ACSL6: variants seen among roughly 807,000 people sequenced by gnomAD.
ACSL6 encodes long-chain-fatty-acid--CoA ligase 6.
Under a neutral mutation model 98.2 loss-of-function variants are expected in ACSL6, and 47 were observed. The observed-to-expected ratio is 0.48, with a 90% CI of 0.38 to 0.61. The LOEUF is 0.61. ACSL6 is among the 20% of genes least tolerant of loss of function. The pLI, the probability that ACSL6 is intolerant of heterozygous loss-of-function variation, is 0.00. For synonymous variants in ACSL6, 362 were observed against 336.9 expected, an observed-to-expected ratio of 1.07 and a Z score of -0.82; for missense variants, 761 against 913.4, an observed-to-expected ratio of 0.83 and a Z score of 2.15.
At position 131,988,518 on chromosome 5, in the gene ACSL6, A is replaced by G. The variant is rs1231313427; in HGVS notation, c.652+287T>C. 3 of 1,609,222 alleles carry G rather than the reference A, an allele frequency of 1.9e-6. No individual in the cohort carries two copies. The South Asian group carries it at 3.3e-5, about 18-fold the overall frequency. Reference sequence around the variant, plus strand: ...GTTTGAGATATTTACCACCCCCTGCATCTGTGCCAAGCTGTCATGAACTTC... The same window carrying G: ...GTTTGAGATATTTACCACCCCCTGCGTCTGTGCCAAGCTGTCATGAACTTC... On this transcript the variant is annotated intron_variant, in intron 6 of 20. Coordinates refer to ENST00000651883, the MANE Select transcript of ACSL6 (RefSeq NM_001009185.3).
At chr5:131,970,336 C>T (rs1753236937) in intron 14 of ACSL6, 136 bp from the exon 15 acceptor site, 2 of 705,644 alleles carry the variant, frequency 2.8e-6, no homozygotes, top group Admixed American at 4.6e-5. Flanking sequence ...GAGGGAGGTG[C>T]TCTGGAGGTA....
intron 3 of ACSL6, 109 bp from the exon 4 acceptor site, chr5:131,990,273 T>C (rs1326134747): frequency 2.7e-6 from 3 of 1,099,250 alleles, no homozygotes; most frequent in Non-Finnish European, 4.0e-6. Flanking sequence ...AGTGTGTCCA[T>C]GGGCCAAGTG....
intron 9 of ACSL6, among the ~76,000 whole-genome samples, chr5:131,979,429 G>A (rs1001395040): frequency 1.3e-5 from 2 of 151,976 alleles, no homozygotes; most frequent in Non-Finnish European, 2.9e-5. Flanking sequence ...TGTCTTCATT[G>A]ATAAAAAAAA....
chr5:131,990,212 T>C (rs373801588), intron 3 of ACSL6, 48 bp from the exon 4 acceptor site: 8 of 1,590,576 alleles, frequency 5.0e-6, no homozygotes, highest in Non-Finnish European at 6.9e-6. Flanking sequence ...TCAGAGTGGG[T>C]GTGCCACCTG....
Position 131,962,683 on chromosome 5 carries a change from A to G in ACSL6, c.1714-5T>C. 1 of 1,613,898 alleles carries G rather than the reference A, an allele frequency of 6.2e-7. No homozygotes were observed. Among genetic ancestry groups the G allele is most frequent in the Non-Finnish European group, 8.5e-7 (1 of 1,179,876 alleles). On this transcript the variant is annotated splice_polypyrimidine_tract_variant and splice_region_variant and intron_variant, in intron 17 of 20. Transcript: ENST00000651883. ...AATAATTTTAAGAGTTCCTGCCTGT[A>G]GAGTTGGACAAACAGCTTTATAAGA...
At chr5:131,994,312 T>C in intron 1 of ACSL6, 61 bp from the exon 2 acceptor site, 1 of 1,421,520 alleles carries the variant, frequency 7.0e-7, no homozygotes, top group Non-Finnish European at 9.7e-7. Context: ...GGAGGGGTCC[T>C]GGGTCACAGG....
intron 20 of ACSL6, among the ~76,000 whole-genome samples, chr5:131,958,198 C>CG (rs1163896959): frequency 6.6e-6 from 1 of 152,130 alleles, no homozygotes; most frequent in African/African-American, 2.4e-5. Flanking sequence ...GGACAGGTCC[C>CG]GCATCCAAAC....
intron 1 of ACSL6, among the ~76,000 whole-genome samples, chr5:132,009,220 A>G (rs761842717): frequency 6.6e-6 from 1 of 152,166 alleles, no homozygotes; most frequent in Non-Finnish European, 1.5e-5. Context: ...ACTTTATGTC[A>G]TCTCTCCCTG....
At chr5:131,991,679 C>T (rs1754522866) in intron 2 of ACSL6, among the ~76,000 whole-genome samples, 1 of 152,100 alleles carries the variant, frequency 6.6e-6, no homozygotes, top group South Asian at 2.1e-4. Context: ...CCTGCCTCCT[C>T]CCCTTCTACC....
chr5:131,976,425 TG>T (rs1753614272), intron 10 of ACSL6, among the ~76,000 whole-genome samples: 1 of 152,052 alleles, frequency 6.6e-6, no homozygotes, highest in Non-Finnish European at 1.5e-5. Flanking sequence ...AGAAATCAAC[TG>T]AATATTTGTC....
rs934884336 is a variant in ACSL6, at chr5:131,962,682, T to C, written c.1714-4A>G. ...CAATAATTTTAAGAGTTCCTGCCTGTAGAGTTGGACAAACAGCTTTATAAG... is the reference window on the plus strand; with the variant it reads ...CAATAATTTTAAGAGTTCCTGCCTGCAGAGTTGGACAAACAGCTTTATAAG... On this transcript the variant is annotated splice_polypyrimidine_tract_variant and splice_region_variant and intron_variant, in intron 17 of 20. Transcript: ENST00000651883. 4.3e-6 allele frequency: 7 copies of C among 1,613,762 alleles called. No individual in the cohort carries two copies. The highest frequency in any genetic ancestry group is 5.9e-6 in the Non-Finnish European group (7 of 1,179,852).
chr5:131,987,401 C>T (rs192860583), intron 7 of ACSL6, among the ~76,000 whole-genome samples: 1 of 152,152 alleles, frequency 6.6e-6, no homozygotes, highest in Non-Finnish European at 1.5e-5. Flanking sequence ...TGTAGGTCAG[C>T]TGCCAGTGCC....
At chr5:131,962,188 C>T (rs1186549273) in intron 18 of ACSL6, among the ~76,000 whole-genome samples, 4 of 151,480 alleles carry the variant, frequency 2.6e-5, no homozygotes, top group Non-Finnish European at 2.9e-5. Flanking sequence ...GGTGAAAGAG[C>T]GAGACCCTGT....
At chr5:131,998,614 C>A (rs539507842) in intron 1 of ACSL6, among the ~76,000 whole-genome samples, 1 of 152,248 alleles carries the variant, frequency 6.6e-6, no homozygotes, top group East Asian at 1.9e-4. Flanking sequence ...GCTGGTCCAG[C>A]CTCCTAACCT....
In ACSL6 at chr5:131,962,638, A is replaced by G; in HGVS notation, c.1754T>C (p.Phe585Ser). Residue 585 changes from phenylalanine (F) to serine (S), a missense_variant, in exon 18 of 21, where the codon TTT (phenylalanine) becomes TCT (serine). Phe to Ser is a radical substitution (Grantham distance 155). Transcript: ENST00000651883. The stretch of plus-strand genomic sequence containing the variant: ...AACATATTCTCCCTGAGCAAGTTTA[A>G]ATATATGCTTTTTCCGATCAATAAT... ...LKIIDRKKHI[F>S]KLAQGEYVAP... 1 of 1,614,068 alleles carries G rather than the reference A, an allele frequency of 6.2e-7. No individual in the cohort carries two copies. Among genetic ancestry groups the G allele is most frequent in the Non-Finnish European group, 8.5e-7 (1 of 1,179,984 alleles).
At chr5:131,975,854 C>T in intron 10 of ACSL6, 1 of 985,484 alleles carries the variant, frequency 1.0e-6, no homozygotes, top group South Asian at 4.7e-5. Context: ...GCTTTTGGGC[C>T]AGCTTGGGCA....
intron 8 of ACSL6, 122 bp downstream of exon 8, chr5:131,986,700 G>T: frequency 8.1e-7 from 1 of 1,241,838 alleles, no homozygotes; most frequent in Non-Finnish European, 1.2e-6. Context: ...GCATTTCCTG[G>T]CTTGCACACA....
intron 11 of ACSL6, chr5:131,974,624 A>C: frequency 1.0e-6 from 1 of 998,350 alleles, no homozygotes; most frequent in Non-Finnish European, 1.5e-6. Flanking sequence ...AAGTCCTCTG[A>C]GCCCTCTGAC....
Position 131,994,035 on chromosome 5 carries a change from A to G in ACSL6, c.266T>C (p.Val89Ala). 1 of 1,613,428 alleles carries G rather than the reference A, an allele frequency of 6.2e-7. No homozygotes were observed. ...PCNLLMQSEEVEDSGGARRSV... is the reference protein window; with the variant it reads ...PCNLLMQSEEAEDSGGARRSV... Reference sequence around the variant, plus strand: ...AACGTCTCCTATCCTGCTCACCTCTACTTCTTCTGACTGCATCAGGAGGTT... The same window carrying G: ...AACGTCTCCTATCCTGCTCACCTCTGCTTCTTCTGACTGCATCAGGAGGTT... Residue 89 changes from valine to alanine, a missense_variant, in exon 2 of 21, where the codon GTA becomes GCA. Val to Ala is a moderately conservative substitution (Grantham distance 64). Transcript: ENST00000651883.
Sources: gnomAD v4.1 joint callset for allele counts (sites outside exome capture counted in the v4.1 genomes callset) on GRCh38, gnomAD v4.1.1 for gene constraint, MANE v1.5 for transcripts, NCBI Gene and HGNC (gene_info 2026-07-23, HGNC 2026-07-21) for gene names.